NMT2: variants seen among roughly 807,000 people sequenced by gnomAD.
The protein encoded by NMT2 is glycylpeptide N-tetradecanoyltransferase 2.
Under a neutral mutation model 65.4 loss-of-function variants are expected in NMT2, and 35 were observed. The ratio of observed to expected loss-of-function variants is 0.54; its 90% CI spans 0.41 to 0.71. NMT2 has a LOEUF of 0.71. Ranked by LOEUF, NMT2 falls within the 30% of genes least tolerant of loss-of-function variation. NMT2 has a pLI of 0.00. For missense variants in NMT2, 489 were observed against 611.3 expected (o/e 0.80, Z 2.11); for synonymous variants, 226 against 231.8 (o/e 0.98, Z 0.23).
At chr10:15,140,966 C>CA in intron 2 of NMT2, 1 of 1,548,434 alleles carries the variant, frequency 6.5e-7, no homozygotes, top group Non-Finnish European at 8.7e-7. Context: ...TGGTTTAATT[C>CA]AAAGTCAACG....
intron 3 of NMT2, 121 bp downstream of exon 3, chr10:15,135,153 T>G (rs1226208051): frequency 7.0e-6 from 7 of 1,000,152 alleles, no homozygotes; most frequent in South Asian, 2.7e-5. Context: ...ATCTGTGGTA[T>G]GAAATAAATG....
At chr10:15,119,253 TAGAA>T (rs1326932609) in intron 9 of NMT2, 86 bp downstream of exon 9, 1 of 1,105,558 alleles carries the variant, frequency 9.0e-7, no homozygotes, top group Non-Finnish European at 1.3e-6. Flanking sequence ...TGTGATGAAA[TAGAA>T]GGAAGTGTGT....
intron 9 of NMT2, among the ~76,000 whole-genome samples, chr10:15,113,463 C>CAAAAAAAAAAAAAAAAAAAAAAAA (rs1169255963): frequency 3.0e-4 from 11 of 37,002 alleles, no homozygotes; most frequent in African/African-American, 8.3e-4. Context: ...GGATGAGACT[C>CAAAAAAAAAAAAAAAAAAAAAAAA]AAAAAAAAAA....
chr10:15,125,879 G>C (rs776918281), intron 8 of NMT2, among the ~76,000 whole-genome samples: 5 of 151,932 alleles, frequency 3.3e-5, no homozygotes, highest in Non-Finnish European at 1.5e-5. Flanking sequence ...GTTGGCCAGG[G>C]TGGCCTCGAT....
intron 1 of NMT2, chr10:15,154,901 C>T: frequency 1.1e-6 from 1 of 884,658 alleles, no homozygotes; most frequent in Non-Finnish European, 1.9e-6. Flanking sequence ...CTTCTTTCAC[C>T]CTGCCAGAGA....
At chr10:15,116,736 T>A (rs1421074606) in intron 9 of NMT2, among the ~76,000 whole-genome samples, 1 of 151,998 alleles carries the variant, frequency 6.6e-6, no homozygotes, top group Non-Finnish European at 1.5e-5. Context: ...AAAGAAGAGA[T>A]ATCAGTACAG....
At chr10:15,152,549 C>A (rs1832840980) in intron 1 of NMT2, among the ~76,000 whole-genome samples, 1 of 152,212 alleles carries the variant, frequency 6.6e-6, no homozygotes, top group South Asian at 2.1e-4. Context: ...TGATGAGTCC[C>A]TGATACATAA....
chr10:15,153,127 A>T (rs1832861064), intron 1 of NMT2, among the ~76,000 whole-genome samples: 1 of 152,020 alleles, frequency 6.6e-6, no homozygotes, highest in Admixed American at 6.6e-5. Flanking sequence ...GGACCCACAC[A>T]CCGCCTTTTT....
chr10:15,128,259 G>A (rs773202418), intron 8 of NMT2, 91 bp downstream of exon 8: 17 of 765,304 alleles, frequency 2.2e-5, no homozygotes, highest in Non-Finnish European at 3.9e-5. Flanking sequence ...AGACACACCA[G>A]TCAGTTTTTA....
At chr10:15,122,310 G>A (rs113101455) in intron 8 of NMT2, among the ~76,000 whole-genome samples, 120 of 152,240 alleles carry the variant, frequency 7.9e-4, no homozygotes, top group African/African-American at 2.8e-3. Context: ...TTCTTCTGGA[G>A]CACAATTCTC....
intron 1 of NMT2, among the ~76,000 whole-genome samples, chr10:15,162,544 T>C (rs1310773113): frequency 1.3e-5 from 2 of 151,852 alleles, no homozygotes; most frequent in African/African-American, 4.8e-5. Flanking sequence ...ACTGGATTAC[T>C]ATCACCCCAG....
chr10:15,135,595 G>A (rs900226106), intron 2 of NMT2, among the ~76,000 whole-genome samples, 177 bp from the exon 3 acceptor site: 29 of 152,314 alleles, frequency 1.9e-4, no homozygotes, highest in African/African-American at 7.0e-4. Context: ...CAAACCCTCT[G>A]TTAAAGGTAA....
At chr10:15,149,005 A>C (rs928308000) in intron 1 of NMT2, among the ~76,000 whole-genome samples, 1 of 152,170 alleles carries the variant, frequency 6.6e-6, no homozygotes, top group African/African-American at 2.4e-5. Flanking sequence ...GTAAAATGTA[A>C]ACTGAAACAA....
chr10:15,147,789 G>T (rs1016689296), intron 1 of NMT2, among the ~76,000 whole-genome samples: 1 of 152,184 alleles, frequency 6.6e-6, no homozygotes, highest in African/African-American at 2.4e-5. Flanking sequence ...TCTGTCAAAT[G>T]AGTAAGTGAA....
At chr10:15,120,372 C>T (rs1360803856) in intron 8 of NMT2, among the ~76,000 whole-genome samples, 1 of 152,170 alleles carries the variant, frequency 6.6e-6, no homozygotes, top group African/African-American at 2.4e-5. Context: ...GCAGGAGAAT[C>T]GTTTGAAACT....
chr10:15,149,332 C>T (rs1229667142), intron 1 of NMT2, among the ~76,000 whole-genome samples: 4 of 344 alleles, frequency 0.012, no homozygotes, highest in Non-Finnish European at 0.029. Flanking sequence ...ACCACCATCA[C>T]ATCATCATCA....
chr10:15,133,506 G>T, intron 3 of NMT2, 143 bp from the exon 4 acceptor site: 1 of 653,658 alleles, frequency 1.5e-6, no homozygotes. Context: ...TTAAAAAGAT[G>T]CTGTTATATC....
At chr10:15,161,860 T>C (rs1171205016) in intron 1 of NMT2, among the ~76,000 whole-genome samples, 1 of 152,188 alleles carries the variant, frequency 6.6e-6, no homozygotes, top group African/African-American at 2.4e-5. Context: ...GAAGTCAAAA[T>C]ATCCTACATG....
intron 1 of NMT2, among the ~76,000 whole-genome samples, chr10:15,144,456 G>A (rs2131585731): frequency 6.6e-6 from 1 of 152,316 alleles, no homozygotes; most frequent in South Asian, 2.1e-4. Context: ...GCCAGGCCAG[G>A]TGCAGTGGCT....
Sources: allele counts gnomAD v4.1 joint callset (sites outside exome capture counted in the v4.1 genomes callset), GRCh38; gene constraint gnomAD v4.1.1; transcripts MANE v1.5; gene names NCBI Gene and HGNC (gene_info 2026-07-23, HGNC 2026-07-21).